SIK3: variants seen among roughly 807,000 people sequenced by gnomAD.
The protein encoded by SIK3 is SIK family kinase 3, also known as serine/threonine-protein kinase SIK3.
In SIK3, 28 loss-of-function variants were observed where a neutral mutation model predicts 144.2. The observed-to-expected ratio is 0.19, with a 90% CI of 0.14 to 0.27. The LOEUF is 0.27. SIK3 is among the 10% of genes least tolerant of loss of function. The probability of loss-of-function intolerance (pLI) is 1.00; values close to 1 mark genes in which losing one functional copy is unlikely to be tolerated. For missense variants in SIK3, 1,319 were observed against 1,776.0 expected (o/e 0.74, Z 4.62); for synonymous variants, 686 against 676.3 (o/e 1.01, Z -0.22).
At chr11:116,974,167 T>C (rs1949866769) in intron 1 of SIK3, among the ~76,000 whole-genome samples, 1 of 152,238 alleles carries the variant, frequency 6.6e-6, no homozygotes, top group South Asian at 2.1e-4. Context: ...TATTCTAAAA[T>C]AGTTAACTGC....
At chr11:116,927,426 G>T in intron 3 of SIK3, 46 bp from the exon 4 acceptor site, 2 of 1,586,458 alleles carry the variant, frequency 1.3e-6, no homozygotes, top group Non-Finnish European at 1.7e-6. Flanking sequence ...GGACACTTGT[G>T]TAATTTCAAA....
intron 1 of SIK3, among the ~76,000 whole-genome samples, chr11:117,041,421 G>A (rs1399118876): frequency 6.6e-6 from 1 of 152,092 alleles, no homozygotes; most frequent in African/African-American, 2.4e-5. Flanking sequence ...CAAATGACCT[G>A]TAATTTTAAA....
At chr11:116,979,036 G>A (rs1489466263) in intron 1 of SIK3, among the ~76,000 whole-genome samples, 2 of 152,188 alleles carry the variant, frequency 1.3e-5, no homozygotes, top group East Asian at 1.9e-4. Flanking sequence ...TAAGCCATGC[G>A]CACAAGAATT....
At chr11:116,916,032 C>A (rs1303668020) in intron 4 of SIK3, among the ~76,000 whole-genome samples, 1 of 152,146 alleles carries the variant, frequency 6.6e-6, no homozygotes, top group South Asian at 2.1e-4. Context: ...GGCGGAAAGA[C>A]CTAAGTAATT....
chr11:116,855,739 T>G (rs753882809), intron 21 of SIK3: 1 of 152,252 alleles, frequency 6.6e-6, no homozygotes, highest in African/African-American at 2.4e-5. Context: ...AGTACTCTTA[T>G]GTTCAGCTGC....
chr11:116,948,016 C>A (rs1291119120), intron 3 of SIK3, among the ~76,000 whole-genome samples: 1 of 150,960 alleles, frequency 6.6e-6, no homozygotes, highest in Non-Finnish European at 1.5e-5. Flanking sequence ...CTCACTGCAA[C>A]CTCCACCTCC....
Position 116,869,177 on chromosome 11 carries a change from A to T in SIK3, c.1809-1088T>A, listed in dbSNP as rs555507856. On this transcript the variant is annotated intron_variant, in intron 14 of 24. Transcript: ENST00000445177. ...ATCAGCAAACTATAGAAACAACAGC[A>T]TCAAGGAAAAAAAAAAGTTACCAGA... 2.6e-5 allele frequency: 4 copies of T among 152,264 alleles called. No individual in the cohort carries two copies. In the South Asian group the frequency reaches 8.3e-4, roughly 32 times the overall value. 9.4% of individuals were successfully genotyped at this position (152,264 alleles called of 1,614,324 possible).
Position 116,858,348 on chromosome 11 carries a change from C to A in SIK3, c.3117G>T (p.Glu1039Asp). 1 of 1,613,874 alleles carries A rather than the reference C, an allele frequency of 6.2e-7. No individual in the cohort carries two copies. Among genetic ancestry groups the A allele is most frequent in the South Asian group, 1.1e-5 (1 of 91,028 alleles). ...GHSDIRLPPT[E>D]FAQLIKRQQQ... Reference sequence around the variant, plus strand: ...GCTGCCTTTTAATGAGCTGTGCAAACTCTGTTGGGGGCAGCCGGATGTCCG... The same window carrying A: ...GCTGCCTTTTAATGAGCTGTGCAAAATCTGTTGGGGGCAGCCGGATGTCCG... The change falls in exon 21 of 25, where the codon GAG becomes GAT. Residue 1039 changes from glutamate (E) to aspartate (D), a missense_variant. Coordinates refer to ENST00000445177, the MANE Select transcript of SIK3 (RefSeq NM_001366686.3). The surrounding 1 kb of genome is among the most constrained non-coding windows in gnomAD (Gnocchi z 5.4).
chr11:116,996,439 T>C (rs1371786417), intron 1 of SIK3, among the ~76,000 whole-genome samples: 2 of 152,194 alleles, frequency 1.3e-5, no homozygotes, highest in African/African-American at 4.8e-5. Flanking sequence ...AGCTGCACTT[T>C]TGTGGCCAGA....
At chr11:117,005,017 C>T (rs934714039) in intron 1 of SIK3, among the ~76,000 whole-genome samples, 1 of 152,148 alleles carries the variant, frequency 6.6e-6, no homozygotes, top group South Asian at 2.1e-4. Context: ...AGGGCACAGC[C>T]AGGCAGGATT....
Position 117,021,961 on chromosome 11 carries a change from A to C in SIK3, c.274-64897T>G, listed in dbSNP as rs1261317307. 5.9e-4 allele frequency among the ~76,000 whole-genome samples: 79 copies of C among 133,074 alleles called. 1 individual carries two copies. Among genetic ancestry groups the C allele is most frequent in the African/African-American group, 1.9e-3 (70 of 37,362 alleles). 87.3% of individuals were successfully genotyped at this position (133,074 alleles called of 152,430 possible). A position where few individuals can be genotyped will look rare whatever the true frequency, so the allele number is the denominator to read the frequency against. On this transcript the variant is annotated intron_variant, in intron 1 of 24. Transcript: ENST00000445177. ...AAAAAAAAAAAAAAAAAAAAAAAAAACCTAAAAATAACAAAATAACAAATA... is the reference window on the plus strand; with the variant it reads ...AAAAAAAAAAAAAAAAAAAAAAAAACCCTAAAAATAACAAAATAACAAATA...
chr11:117,093,960 C>T (rs1428096854), intron 1 of SIK3, among the ~76,000 whole-genome samples: 1 of 152,044 alleles, frequency 6.6e-6, no homozygotes, highest in Non-Finnish European at 1.5e-5. Context: ...CATCTGATAA[C>T]GATGATGATG....
intron 1 of SIK3, among the ~76,000 whole-genome samples, chr11:117,032,439 A>G (rs1233023747): frequency 2.0e-5 from 3 of 152,168 alleles, no homozygotes; most frequent in Non-Finnish European, 4.4e-5. Flanking sequence ...ATGGTATTGC[A>G]TGTATTTCCA....
At chr11:117,069,190 G>T (rs1591646051) in intron 1 of SIK3, among the ~76,000 whole-genome samples, 1 of 145,528 alleles carries the variant, frequency 6.9e-6, no homozygotes, top group African/African-American at 2.5e-5. Flanking sequence ...TTTTTGGGGG[G>T]GGGGGGGTTT....
intron 3 of SIK3, among the ~76,000 whole-genome samples, chr11:116,939,110 T>C (rs2135254811): frequency 6.6e-6 from 1 of 152,318 alleles, no homozygotes; most frequent in African/African-American, 2.4e-5. Flanking sequence ...GTTGAATGAA[T>C]GAGAGAATTC....
intron 1 of SIK3, among the ~76,000 whole-genome samples, chr11:117,016,387 G>GGAGGGAGA (rs1951532776): frequency 8.4e-6 from 1 of 119,326 alleles, no homozygotes; most frequent in South Asian, 3.6e-4. Flanking sequence ...AGGGAGAGAG[G>GGAGGGAGA]GAGGGAGGGA....
intron 4 of SIK3, 81 bp from the exon 5 acceptor site, chr11:116,897,398 G>T: frequency 1.6e-6 from 2 of 1,249,050 alleles, no homozygotes; most frequent in South Asian, 1.4e-5. Context: ...AGTCACTAAA[G>T]ATTCCAAATC....
intron 21 of SIK3, chr11:116,856,989 T>C (rs182701611): frequency 3.3e-5 from 5 of 152,374 alleles, no homozygotes; most frequent in East Asian, 1.9e-4. Context: ...GCAAGATTCC[T>C]GATTTTGTCT....
intron 3 of SIK3, among the ~76,000 whole-genome samples, chr11:116,946,087 C>T (rs1232707581): frequency 6.6e-6 from 1 of 152,222 alleles, no homozygotes; most frequent in African/African-American, 2.4e-5. Context: ...CAATTATGCT[C>T]ATCCCTCAGT....
Sources: gnomAD v4.1 joint callset for allele counts (sites outside exome capture counted in the v4.1 genomes callset) on GRCh38, gnomAD v4.1.1 for gene constraint, Gnocchi (gnomAD v3.1) non-coding constraint, MANE v1.5 for transcripts, NCBI Gene and HGNC (gene_info 2026-07-23, HGNC 2026-07-21) for gene names.